The following SBF2 variants were observed in gnomAD, a reference collection of about 807,000 sequenced individuals.
SBF2 encodes SET binding factor 2.
Under a neutral mutation model 225.2 loss-of-function variants are expected in SBF2, and 112 were observed. That is an observed-to-expected ratio of 0.50 (90% CI 0.43 to 0.58). The LOEUF (loss-of-function observed/expected upper bound fraction) is 0.58, where lower values mean the gene tolerates loss of function less well. SBF2 is among the 20% of genes least tolerant of loss of function. The pLI, the probability that SBF2 is intolerant of heterozygous loss-of-function variation, is 0.00. For missense variants in SBF2, 1,996 were observed against 2,206.2 expected, an observed-to-expected ratio of 0.90 and a Z score of 1.91; for synonymous variants, 763 against 773.3, an observed-to-expected ratio of 0.99 and a Z score of 0.22.
intron 6 of SBF2, among the ~76,000 whole-genome samples, chr11:10,008,274 G>A (rs1374516230): frequency 6.6e-6 from 1 of 152,162 alleles, no homozygotes; most frequent in Non-Finnish European, 1.5e-5. Flanking sequence ...TTCACAGAGA[G>A]GCTACAAGAG....
intron 1 of SBF2, among the ~76,000 whole-genome samples, chr11:10,209,113 A>G (rs1041007921): frequency 4.6e-5 from 7 of 152,128 alleles, no homozygotes; most frequent in African/African-American, 1.7e-4. Context: ...AACTCATTCA[A>G]TGTGTCCCTA....
chr11:9,998,657 C>T (rs1230197106), intron 8 of SBF2, among the ~76,000 whole-genome samples: 2 of 152,226 alleles, frequency 1.3e-5, no homozygotes, highest in Admixed American at 6.5e-5. Context: ...ATGTAAAGCT[C>T]TCCTATGCTG....
At chr11:9,997,066 T>A (rs532409575) in intron 9 of SBF2, among the ~76,000 whole-genome samples, 5 of 152,218 alleles carry the variant, frequency 3.3e-5, no homozygotes, top group Non-Finnish European at 7.3e-5. Flanking sequence ...CTCTAACTGT[T>A]CCCATTTCAT....
intron 27 of SBF2, 138 bp from the exon 28 acceptor site, chr11:9,829,634 GA>G: frequency 1.3e-6 from 1 of 744,788 alleles, no homozygotes; most frequent in South Asian, 1.6e-5. Flanking sequence ...CCCAAATATA[GA>G]AACCAGCCCC....
intron 1 of SBF2, among the ~76,000 whole-genome samples, chr11:10,289,253 G>C (rs1352504547): frequency 6.6e-6 from 1 of 152,218 alleles, no homozygotes; most frequent in Non-Finnish European, 1.5e-5. Flanking sequence ...AGTGCAAAGA[G>C]GCCTTGGTCC....
chr11:10,232,561 ATTT>A (rs5789629), intron 1 of SBF2, among the ~76,000 whole-genome samples: 1 of 141,332 alleles, frequency 7.1e-6, no homozygotes. Flanking sequence ...TTTTGTCTTA[ATTT>A]TTTTTTTTTT....
intron 1 of SBF2, among the ~76,000 whole-genome samples, chr11:10,243,384 T>A (rs947664811): frequency 4.0e-5 from 6 of 148,188 alleles, no homozygotes; most frequent in South Asian, 2.1e-4. Flanking sequence ...AGATCTCAAA[T>A]CAAAACCTAA....
At chr11:10,095,545 CT>C (rs1951980531) in intron 2 of SBF2, among the ~76,000 whole-genome samples, 2 of 109,890 alleles carry the variant, frequency 1.8e-5, no homozygotes, top group African/African-American at 5.9e-5. Context: ...ACTCCACAAG[CT>C]TTTTTAAAAA....
chr11:10,207,080 A>C lies in SBF2; in HGVS notation c.56-13093T>G, dbSNP rs528968833. ...AACATCTGAAAATTAAAAACAAAGA[A>C]GTCTTGAAAGAAGCCAGAGAGAAAC... On this transcript the variant is annotated intron_variant, in intron 1 of 39. Coordinates refer to ENST00000256190, the MANE Select transcript of SBF2 (RefSeq NM_030962.4). Among the ~76,000 whole-genome samples, 49 of 152,274 alleles carry C rather than the reference A, an allele frequency of 3.2e-4. No individual in the cohort carries two copies. In the South Asian group the frequency reaches 5.6e-3, roughly 17 times the overall value.
intron 15 of SBF2, among the ~76,000 whole-genome samples, chr11:9,963,369 G>A (rs1421324097): frequency 6.6e-6 from 1 of 152,178 alleles, no homozygotes; most frequent in Non-Finnish European, 1.5e-5. Flanking sequence ...GGAGGCTGAG[G>A]CAGGAGAATC....
At chr11:10,031,479 T>C (rs1206339488) in intron 3 of SBF2, among the ~76,000 whole-genome samples, 2 of 152,204 alleles carry the variant, frequency 1.3e-5, no homozygotes, top group African/African-American at 4.8e-5. Flanking sequence ...CTCAAATTAT[T>C]TTAAATAGTG....
intron 33 of SBF2, among the ~76,000 whole-genome samples, chr11:9,791,848 A>G (rs1852762517): frequency 6.6e-6 from 1 of 152,218 alleles, no homozygotes; most frequent in Non-Finnish European, 1.5e-5. Flanking sequence ...AAAGAGAATG[A>G]GCTGAAACCA....
chr11:10,056,621 T>C (rs113041378), intron 2 of SBF2, among the ~76,000 whole-genome samples: 3 of 152,344 alleles, frequency 2.0e-5, no homozygotes, highest in Admixed American at 6.5e-5. Flanking sequence ...AAGATGTTTA[T>C]TAGCTGAAGA....
intron 17 of SBF2, among the ~76,000 whole-genome samples, chr11:9,888,815 C>G (rs1860554232): frequency 6.6e-6 from 1 of 152,140 alleles, no homozygotes; most frequent in South Asian, 2.1e-4. Flanking sequence ...TGAGTGAGTC[C>G]TGTTCTGACA....
In SBF2 at chr11:9,975,400, C is replaced by T. The variant is rs189527706; in HGVS notation, c.1396-6855G>A. ...GAATGAAGCTAAACTCAAAAAACTA[C>T]ATAATGCCATTATGGAAAAGGCAAA... On this transcript the variant is annotated intron_variant, in intron 13 of 39. Transcript: ENST00000256190. 4.7e-3 allele frequency among the ~76,000 whole-genome samples: 717 copies of T among 152,242 alleles called. 2 individuals carry two copies. Among genetic ancestry groups the T allele is most frequent in the Admixed American group, 9.1e-3 (139 of 15,282 alleles).
chr11:9,834,623 C>T (rs1855622686), intron 26 of SBF2, among the ~76,000 whole-genome samples: 3 of 152,146 alleles, frequency 2.0e-5, no homozygotes, highest in South Asian at 4.1e-4. Context: ...CTTTGGTGAT[C>T]TAGGAAGCTG....
chr11:10,087,727 T>C (rs1215166161), intron 2 of SBF2, among the ~76,000 whole-genome samples: 1 of 152,230 alleles, frequency 6.6e-6, no homozygotes. Context: ...TTTAGATGTA[T>C]ATTTTGATTT....
chr11:9,800,161 C>G lies in SBF2; in HGVS notation c.4444-4204G>C, dbSNP rs1853400565. Among the ~76,000 whole-genome samples the G allele has an allele frequency of 2.6e-5, 4 of 151,982 alleles. No homozygotes were observed. The South Asian group carries it at 8.3e-4, about 31-fold the overall frequency. ...GCTGAGGCGAAAGGATTGCTTGAAC[C>G]TGGGAGGCAGGGTTGCAGTGAGCCA... On this transcript the variant is annotated intron_variant, in intron 32 of 39. Coordinates refer to ENST00000256190, the MANE Select transcript of SBF2 (RefSeq NM_030962.4).
Position 9,858,361 on chromosome 11 carries a change from C to G in SBF2, c.1965G>C (p.Thr655=), listed in dbSNP as rs143732754. ...LAPGVSQFAY[T]CVQDHPIWTN... is the part of the protein sequence containing the mutation. ...TCCAAATGGGGTGGTCTTGTACACA[C>G]GTGTAAGCAAACTGGCTGACTCCAG... The change falls in exon 18 of 40, where the codon ACG becomes ACC. Residue 655 remains threonine, a synonymous_variant. Coordinates refer to ENST00000256190, the MANE Select transcript of SBF2 (RefSeq NM_030962.4). 6.2e-7 allele frequency: 1 copy of G among 1,614,158 alleles called. No homozygotes were observed. The highest frequency in any genetic ancestry group is 1.1e-5 in the South Asian group (1 of 91,088).
Sources: allele counts gnomAD v4.1 joint callset (sites outside exome capture counted in the v4.1 genomes callset), GRCh38; gene constraint gnomAD v4.1.1; transcripts MANE v1.5; gene names NCBI Gene and HGNC (gene_info 2026-07-23, HGNC 2026-07-21).